MACROD2: variants seen among roughly 807,000 people sequenced by gnomAD.
The protein encoded by MACROD2 is ADP-ribose glycohydrolase MACROD2.
In MACROD2, 36 loss-of-function variants were observed where a neutral mutation model predicts 70.4. The observed-to-expected ratio is 0.51, with a 90% CI of 0.39 to 0.68. MACROD2 has a LOEUF of 0.68. Among genes scored for constraint, MACROD2 ranks in the 30% least tolerant of loss-of-function variants. The pLI, the probability that MACROD2 is intolerant of heterozygous loss-of-function variation, is 0.00. For synonymous variants in MACROD2, 172 were observed against 178.8 expected (o/e 0.96, Z 0.30); for missense variants, 496 against 538.4 (o/e 0.92, Z 0.78).
chr20:14,276,618 A>G (rs1463419674), intron 3 of MACROD2, among the ~76,000 whole-genome samples: 1 of 151,994 alleles, frequency 6.6e-6, no homozygotes, highest in Non-Finnish European at 1.5e-5. Flanking sequence ...CCTAAAACTT[A>G]AAGTATAATA....
intron 8 of MACROD2, among the ~76,000 whole-genome samples, chr20:15,795,815 T>C (rs565520569): frequency 1.6e-4 from 25 of 152,278 alleles, no homozygotes; most frequent in Admixed American, 5.2e-4. Flanking sequence ...TGTGGGAACA[T>C]CCGTTGGTGG....
At chr20:15,428,167 T>C (rs1422790667) in intron 6 of MACROD2, among the ~76,000 whole-genome samples, 1 of 152,198 alleles carries the variant, frequency 6.6e-6, no homozygotes, top group Non-Finnish European at 1.5e-5. Context: ...TTACTCCTTC[T>C]ACAAACCCTT....
intron 5 of MACROD2, chr20:14,757,708 G>T: frequency 4.0e-6 from 6 of 1,494,984 alleles, no homozygotes; most frequent in Non-Finnish European, 5.6e-6. Context: ...AGGCCATGCA[G>T]TCTCTCAAGT....
At chr20:15,426,136 C>T (rs183969303) in intron 6 of MACROD2, among the ~76,000 whole-genome samples, 82 of 151,774 alleles carry the variant, frequency 5.4e-4, no homozygotes, top group Admixed American at 1.0e-3. Context: ...TGCTGACCTT[C>T]CCTCCACTAT....
chr20:15,159,439 A>G (rs1208669454), intron 5 of MACROD2, among the ~76,000 whole-genome samples: 3 of 152,030 alleles, frequency 2.0e-5, no homozygotes, highest in Non-Finnish European at 2.9e-5. Context: ...AAAATATGCA[A>G]CTCTATATGT....
intron 4 of MACROD2, among the ~76,000 whole-genome samples, chr20:14,578,152 A>G (rs1346002419): frequency 3.3e-5 from 5 of 150,820 alleles, no homozygotes; most frequent in Admixed American, 6.6e-5. Context: ...AAAAATATAT[A>G]TAATATATAT....
intron 8 of MACROD2, among the ~76,000 whole-genome samples, chr20:15,685,344 C>A (rs2050212212): frequency 1.3e-5 from 2 of 152,142 alleles, no homozygotes; most frequent in Non-Finnish European, 2.9e-5. Context: ...CTTTTTATTT[C>A]TTTTATTTGT....
At chr20:15,361,351 C>G (rs966046417) in intron 6 of MACROD2, among the ~76,000 whole-genome samples, 2 of 152,132 alleles carry the variant, frequency 1.3e-5, no homozygotes, top group Non-Finnish European at 1.5e-5. Flanking sequence ...TGCTTTTGTA[C>G]TTCTGTCAAG....
chr20:15,026,049 C>CT (rs1160296940), intron 5 of MACROD2, among the ~76,000 whole-genome samples: 2 of 152,088 alleles, frequency 1.3e-5, no homozygotes, highest in Non-Finnish European at 2.9e-5. Flanking sequence ...ATATTAGTAC[C>CT]TAGCTGACAA....
At chr20:16,038,788 C>G (rs1472573278) in intron 15 of MACROD2, among the ~76,000 whole-genome samples, 1 of 151,982 alleles carries the variant, frequency 6.6e-6, no homozygotes, top group Non-Finnish European at 1.5e-5. Flanking sequence ...ATTCTGGACA[C>G]TGTTTGAAAA....
intron 8 of MACROD2, among the ~76,000 whole-genome samples, chr20:15,835,651 A>G (rs1371462935): frequency 6.6e-6 from 1 of 152,140 alleles, no homozygotes; most frequent in Non-Finnish European, 1.5e-5. Context: ...TAATTATAAT[A>G]TTATATCTAC....
intron 12 of MACROD2, among the ~76,000 whole-genome samples, chr20:15,956,906 C>T (rs1225866198): frequency 6.6e-6 from 1 of 152,204 alleles, no homozygotes; most frequent in Non-Finnish European, 1.5e-5. Context: ...TATTCTTACT[C>T]TTCAAAAAAG....
chr20:14,005,390 A>G (rs1258622834), intron 2 of MACROD2, among the ~76,000 whole-genome samples: 1 of 152,156 alleles, frequency 6.6e-6, no homozygotes, highest in Non-Finnish European at 1.5e-5. Context: ...AGACTTACAT[A>G]TTTCTAATTC....
chr20:14,212,591 G>A (rs115731676), intron 3 of MACROD2, among the ~76,000 whole-genome samples: 1 of 152,150 alleles, frequency 6.6e-6, no homozygotes, highest in African/African-American at 2.4e-5. Context: ...CTAGTTAGCT[G>A]TTGGGTGGTG....
At chr20:14,604,525 T>A (rs1268538406) in intron 4 of MACROD2, among the ~76,000 whole-genome samples, 3 of 152,182 alleles carry the variant, frequency 2.0e-5, no homozygotes, top group African/African-American at 7.2e-5. Context: ...GTGGCTGCGT[T>A]TAGAAGGGCT....
intron 3 of MACROD2, among the ~76,000 whole-genome samples, chr20:14,242,864 A>G (rs374842083): frequency 3.9e-5 from 6 of 152,302 alleles, no homozygotes; most frequent in East Asian, 3.9e-4. Context: ...GCCTTTCAGA[A>G]AAAAGGATTT....
In MACROD2 at chr20:14,757,783, T is replaced by C; in HGVS notation, c.418+72824T>C. The C allele has an allele frequency of 2.6e-6, 4 of 1,531,712 alleles. No individual in the cohort carries two copies. The South Asian group carries it at 3.4e-5, about 13-fold the overall frequency. The allele number at this position is 1,531,712 out of a possible 1,614,324, so 94.9% of individuals were successfully genotyped here. A position where few individuals can be genotyped will look rare whatever the true frequency, so the allele number is the denominator to read the frequency against. ...TCTACTGGTACCTTCCCAATGAGGG[T>C]ATCCAGTATCTCCGTGATTACCTTC... On this transcript the variant is annotated intron_variant, in intron 5 of 17. Coordinates refer to ENST00000684519, the MANE Select transcript of MACROD2 (RefSeq NM_001351661.2).
intron 3 of MACROD2, among the ~76,000 whole-genome samples, chr20:14,252,806 A>G (rs1344395542): frequency 1.3e-5 from 2 of 151,976 alleles, no homozygotes; most frequent in Admixed American, 6.6e-5. Context: ...CCTTTTATTT[A>G]GGCTGCAGCT....
intron 3 of MACROD2, among the ~76,000 whole-genome samples, chr20:14,131,959 G>A (rs561842684): frequency 7.2e-5 from 11 of 151,866 alleles, no homozygotes; most frequent in South Asian, 2.1e-4. Flanking sequence ...GTGAAACCCC[G>A]TCTCTACTAA....
Sources: gnomAD v4.1 joint callset for allele counts (sites outside exome capture counted in the v4.1 genomes callset) on GRCh38, gnomAD v4.1.1 for gene constraint, MANE v1.5 for transcripts, NCBI Gene and HGNC (gene_info 2026-07-23, HGNC 2026-07-21) for gene names.